The following CFAP47 variants were observed in gnomAD, a reference collection of about 807,000 sequenced individuals.
The protein encoded by CFAP47 is cilia and flagella associated protein 47.
Under a neutral mutation model 148.1 loss-of-function variants are expected in CFAP47, and 29 were observed. The observed-to-expected ratio is 0.20, with a 90% confidence interval of 0.15 to 0.27. CFAP47 has a LOEUF of 0.27. CFAP47 is among the 10% of genes least tolerant of loss of function. CFAP47 has a pLI of 1.00. For synonymous variants in CFAP47, 664 were observed against 577.3 expected (o/e 1.15, Z -2.15); for missense variants, 1,872 against 1,697.5 (o/e 1.10, Z -1.81).
At chrX:36,346,845 A>C (rs1941701382) in intron 57 of CFAP47, among the ~76,000 whole-genome samples, 1 of 111,603 alleles carries the variant, frequency 9.0e-6, no homozygotes, top group African/African-American at 3.3e-5. Context: ...CTAGAAGAAA[A>C]CCTGGGCAAT....
chrX:35,973,922 C>A (rs942686126), intron 13 of CFAP47, among the ~76,000 whole-genome samples: 1 of 112,286 alleles, frequency 8.9e-6, no homozygotes, highest in African/African-American at 3.2e-5. Context: ...TTTATCCATT[C>A]AGTCATTTTA....
intron 46 of CFAP47, among the ~76,000 whole-genome samples, chrX:36,234,899 G>T (rs782029650): frequency 8.9e-6 from 1 of 111,820 alleles, no homozygotes; most frequent in Non-Finnish European, 1.9e-5. Context: ...CTGTTTGCCT[G>T]GGTACCAGCA....
intron 45 of CFAP47, among the ~76,000 whole-genome samples, chrX:36,214,211 T>C (rs1940134380): frequency 8.9e-6 from 1 of 111,908 alleles, no homozygotes; most frequent in Non-Finnish European, 1.9e-5. Flanking sequence ...CTGCTAAGTA[T>C]TTGTGTAGCT....
intron 26 of CFAP47, among the ~76,000 whole-genome samples, chrX:36,053,526 A>C (rs1201152359): frequency 9.0e-6 from 1 of 111,176 alleles, no homozygotes; most frequent in East Asian, 2.8e-4. Context: ...ATAAGCAGTG[A>C]GGAAGGGAGT....
At chrX:35,983,226 C>T (rs144893921) in intron 15 of CFAP47, among the ~76,000 whole-genome samples, 207 of 111,485 alleles carry the variant, frequency 1.9e-3, no homozygotes, top group African/African-American at 6.6e-3. Context: ...ATTGGGATCA[C>T]GTTCCTGATT....
At chrX:36,089,579 A>G (rs763273232) in intron 30 of CFAP47, among the ~76,000 whole-genome samples, 3 of 111,148 alleles carry the variant, frequency 2.7e-5, no homozygotes, top group African/African-American at 9.8e-5. Flanking sequence ...ATAGGCTTAT[A>G]TTCCAACTCT....
Position 36,328,832 on chromosome X carries a change from AAAAG to A in CFAP47, c.8443+9529_8443+9532del, listed in dbSNP as rs1438647664. Among the ~76,000 whole-genome samples, 39 of 106,271 alleles carry A rather than the reference AAAAG, an allele frequency of 3.7e-4. 1 individual carries two copies. The highest frequency in any genetic ancestry group is 4.9e-3 in the Middle Eastern group (1 of 205). 92.3% of individuals were successfully genotyped at this position (106,271 alleles called of 115,157 possible). On this transcript the variant is annotated intron_variant, in intron 57 of 63. Coordinates refer to ENST00000378653, the MANE Select transcript of CFAP47 (RefSeq NM_001304548.2). ...ACTCTGTCTCAAAAAAAAAAAAAAA[AAAAG>A]AAAAGCAAAATTGGAAGATGTACAC...
chrX:36,100,569 A>G (rs1049024124), intron 32 of CFAP47, among the ~76,000 whole-genome samples: 1 of 111,781 alleles, frequency 8.9e-6, no homozygotes, highest in Non-Finnish European at 1.9e-5. Context: ...ATATAGCACT[A>G]TAGATCTTGT....
chrX:36,228,961 G>A (rs959145399), intron 46 of CFAP47, 137 bp downstream of exon 46: 6 of 428,880 alleles, frequency 1.4e-5, no homozygotes, highest in Non-Finnish European at 2.5e-5. Flanking sequence ...TCATATTTAT[G>A]TCAGAATCTC....
intron 37 of CFAP47, among the ~76,000 whole-genome samples, chrX:36,158,918 G>T (rs1391373780): frequency 9.0e-6 from 1 of 111,614 alleles, no homozygotes; most frequent in African/African-American, 3.3e-5. Context: ...GTCTTAGACT[G>T]CCAAATTGAA....
Position 36,073,029 on chromosome X carries a change from A to C in CFAP47, c.4466-110A>C, listed in dbSNP as rs2146762134. ...ACTCAGAATTTCTTTGAGAGCATAG[A>C]ATAATTTGTAGAATAGGTTCTATTA... On this transcript the variant is annotated intron_variant, in intron 28 of 63. Coordinates refer to ENST00000378653, the MANE Select transcript of CFAP47 (RefSeq NM_001304548.2). 8.0e-6 allele frequency: 4 copies of C among 497,946 alleles called. No homozygotes were observed. In the East Asian group the frequency reaches 1.5e-4, roughly 18 times the overall value. The allele number at this position is 497,946 out of a possible 1,213,427, so 41.0% of individuals were successfully genotyped here.
At chrX:36,025,051 A>G (rs1227264042) in intron 22 of CFAP47, among the ~76,000 whole-genome samples, 3 of 111,622 alleles carry the variant, frequency 2.7e-5, no homozygotes, top group Non-Finnish European at 5.6e-5. Context: ...AAAAAAATTC[A>G]TCCCGTAAGT....
At chrX:36,144,623 T>TA (rs773602388) in intron 35 of CFAP47, 2 of 1,026,418 alleles carry the variant, frequency 1.9e-6, no homozygotes, top group East Asian at 1.2e-4. Context: ...GAAAGGAAGA[T>TA]ATGCCCTCAG....
intron 26 of CFAP47, among the ~76,000 whole-genome samples, chrX:36,062,831 C>T (rs974358257): frequency 9.0e-6 from 1 of 111,280 alleles, no homozygotes; most frequent in Non-Finnish European, 1.9e-5. Flanking sequence ...TTTAAAAAAA[C>T]ACTGAATTGT....
At position 36,085,513 on chromosome X, in the gene CFAP47, C is replaced by T. The variant is rs981762195; in HGVS notation, c.4891C>T (p.His1631Tyr). Reference protein sequence around the residue: ...EKRVIQLHLQHSSLLDFLNAQ... With the variant: ...EKRVIQLHLQYSSLLDFLNAQ... ...AAGGGTAATTCAACTCCATTTGCAA[C>T]ATTCCTCACTTCTGGACTTTCTCAA... The change falls in exon 30 of 64, where the codon CAT (histidine) becomes TAT (tyrosine). Residue 1631 changes from histidine (H) to tyrosine (Y), a missense_variant. By Grantham distance (83) the His-to-Tyr change is moderately conservative (BLOSUM62 2). Coordinates refer to ENST00000378653, the MANE Select transcript of CFAP47 (RefSeq NM_001304548.2). 9.2e-6 allele frequency: 11 copies of T among 1,193,847 alleles called. No individual in the cohort carries two copies. In the East Asian group the frequency reaches 3.0e-4, roughly 32 times the overall value.
At chrX:35,927,230 G>A (rs754909903) in intron 2 of CFAP47, among the ~76,000 whole-genome samples, 19 of 109,084 alleles carry the variant, frequency 1.7e-4, no homozygotes, top group Admixed American at 3.9e-4. Context: ...TTGTTTCTTT[G>A]TGTTGTTGAG....
intron 39 of CFAP47, among the ~76,000 whole-genome samples, chrX:36,168,181 T>G (rs1939516399): frequency 8.9e-6 from 1 of 112,070 alleles, no homozygotes; most frequent in Non-Finnish European, 1.9e-5. Context: ...TAAATTTAAG[T>G]CAATCTGTAA....
intron 33 of CFAP47, among the ~76,000 whole-genome samples, chrX:36,107,393 A>G (rs1938483805): frequency 8.9e-6 from 1 of 112,476 alleles, no homozygotes; most frequent in Non-Finnish European, 1.9e-5. Flanking sequence ...AAATATTAAT[A>G]TAGCAAATAT....
intron 25 of CFAP47, among the ~76,000 whole-genome samples, chrX:36,046,462 C>T (rs1458377857): frequency 1.8e-5 from 2 of 110,536 alleles, no homozygotes; most frequent in African/African-American, 6.5e-5. Flanking sequence ...GTATATGCAT[C>T]TGTTATTATT....
Sources: allele counts gnomAD v4.1 joint callset (sites outside exome capture counted in the v4.1 genomes callset), GRCh38; gene constraint gnomAD v4.1.1; transcripts MANE v1.5; gene names NCBI Gene and HGNC (gene_info 2026-07-23, HGNC 2026-07-21).